HIPK2: variants seen among roughly 807,000 people sequenced by gnomAD.
HIPK2 encodes homeodomain-interacting protein kinase 2.
In HIPK2, 27 loss-of-function variants were observed where a neutral mutation model predicts 113.7. That is an observed-to-expected ratio of 0.24 (90% CI 0.17 to 0.33). The LOEUF (loss-of-function observed/expected upper bound fraction) is 0.33, where lower values mean the gene tolerates loss of function less well. Ranked by LOEUF, HIPK2 falls within the 10% of genes least tolerant of loss-of-function variation. The probability of loss-of-function intolerance (pLI) is 1.00; values close to 1 mark genes in which losing one functional copy is unlikely to be tolerated. For missense variants in HIPK2, 1,257 were observed against 1,588.0 expected, an observed-to-expected ratio of 0.79 and a Z score of 3.54; for synonymous variants, 631 against 642.2, an observed-to-expected ratio of 0.98 and a Z score of 0.26.
At chr7:139,680,251 C>T (rs1029773651) in intron 2 of HIPK2, among the ~76,000 whole-genome samples, 4 of 152,204 alleles carry the variant, frequency 2.6e-5, no homozygotes, top group Non-Finnish European at 2.9e-5. Flanking sequence ...TCCTGTCCCC[C>T]GACTGCAGGA....
intron 1 of HIPK2, among the ~76,000 whole-genome samples, chr7:139,746,833 A>G (rs566243075): frequency 1.2e-4 from 19 of 152,116 alleles, no homozygotes; most frequent in African/African-American, 4.6e-4. Flanking sequence ...GGCCAAGGTG[A>G]CGTGGGCCAG....
chr7:139,665,327 C>T (rs1347990311), intron 2 of HIPK2, among the ~76,000 whole-genome samples: 1 of 152,228 alleles, frequency 6.6e-6, no homozygotes, highest in Non-Finnish European at 1.5e-5. Context: ...GTGTGACCCG[C>T]TGTGCCCAGA....
intron 2 of HIPK2, among the ~76,000 whole-genome samples, chr7:139,665,642 A>G (rs751062127): frequency 1.1e-4 from 17 of 151,996 alleles, no homozygotes; most frequent in Non-Finnish European, 2.2e-4. Flanking sequence ...TTATTCTACT[A>G]CTCACTAACC....
intron 2 of HIPK2, among the ~76,000 whole-genome samples, chr7:139,652,015 C>T (rs765696639): frequency 1.3e-5 from 2 of 152,130 alleles, no homozygotes; most frequent in African/African-American, 2.4e-5. Context: ...GAATATCTGC[C>T]GGATTCTTCC....
At chr7:139,648,813 G>A (rs899572528) in intron 2 of HIPK2, among the ~76,000 whole-genome samples, 7 of 151,654 alleles carry the variant, frequency 4.6e-5, no homozygotes, top group Non-Finnish European at 8.8e-5. Flanking sequence ...TTCCCCGTAT[G>A]TATTGTGTTC....
chr7:139,594,810 A>AC, intron 12 of HIPK2, among the ~76,000 whole-genome samples: 1 of 152,160 alleles, frequency 6.6e-6, no homozygotes, highest in Non-Finnish European at 1.5e-5. Flanking sequence ...TGTGGGACTC[A>AC]GTAGCCACTG....
Position 139,631,802 on chromosome 7 carries a change from A to T in HIPK2, c.1104-77T>A. On this transcript the variant is annotated intron_variant, in intron 2 of 14. Transcript: ENST00000406875. This position sits in a 1 kb window ranked among gnomAD's most constrained non-coding sequence, Gnocchi z 4.9. ...TGTTTCTATATGAATACTATCTTTCAAACCTGGGGTGCCATTACTGACTCC... is the reference window on the plus strand; with the variant it reads ...TGTTTCTATATGAATACTATCTTTCTAACCTGGGGTGCCATTACTGACTCC... 6.7e-7 allele frequency: 1 copy of T among 1,494,948 alleles called. No individual in the cohort carries two copies. Among genetic ancestry groups the T allele is most frequent in the East Asian group, 2.5e-5 (1 of 40,550 alleles). 92.6% of individuals were successfully genotyped at this position (1,494,948 alleles called of 1,614,324 possible).
chr7:139,709,176 T>C (rs1336660473), intron 2 of HIPK2, among the ~76,000 whole-genome samples: 2 of 152,190 alleles, frequency 1.3e-5, no homozygotes, highest in African/African-American at 4.8e-5. Flanking sequence ...CATGTACGTA[T>C]TTATAACAGT....
chr7:139,594,813 A>G (rs562235053), intron 12 of HIPK2, among the ~76,000 whole-genome samples: 2 of 152,282 alleles, frequency 1.3e-5, no homozygotes, highest in East Asian at 3.9e-4. Flanking sequence ...GGGACTCAGT[A>G]GCCACTGCTA....
intron 1 of HIPK2, among the ~76,000 whole-genome samples, chr7:139,776,728 C>T (rs1435395340): frequency 6.6e-6 from 1 of 152,190 alleles, no homozygotes; most frequent in African/African-American, 2.4e-5. Flanking sequence ...TAAAATTTCT[C>T]CTACTACAAG....
At chr7:139,742,601 T>A (rs1360776978) in intron 1 of HIPK2, among the ~76,000 whole-genome samples, 3 of 152,186 alleles carry the variant, frequency 2.0e-5, no homozygotes. Flanking sequence ...ATCTTTTAGC[T>A]CTAACAATGG....
intron 1 of HIPK2, among the ~76,000 whole-genome samples, chr7:139,721,123 TG>T (rs1385619598): frequency 6.6e-6 from 1 of 152,206 alleles, no homozygotes; most frequent in Non-Finnish European, 1.5e-5. Flanking sequence ...TGCCCCTTTA[TG>T]AAGTCAACAG....
chr7:139,746,650 T>A (rs927446303), intron 1 of HIPK2, among the ~76,000 whole-genome samples: 5 of 152,160 alleles, frequency 3.3e-5, no homozygotes, highest in Non-Finnish European at 5.9e-5. Context: ...TGCTGGAGGT[T>A]GACAACAGGT....
intron 2 of HIPK2, among the ~76,000 whole-genome samples, chr7:139,689,219 T>C (rs1039189544): frequency 5.9e-5 from 9 of 152,116 alleles, no homozygotes; most frequent in African/African-American, 2.2e-4. Context: ...AAAACTGCTA[T>C]CGGGAAAACT....
In HIPK2 at chr7:139,572,131, A is replaced by AAAGTTTGC. The variant is rs1798303068; in HGVS notation, c.*788_*795dup. 5 of 152,388 alleles carry AAAGTTTGC rather than the reference A, an allele frequency of 3.3e-5. No homozygotes were observed. The South Asian group carries it at 8.3e-4, about 25-fold the overall frequency. 9.4% of individuals were successfully genotyped at this position (152,388 alleles called of 1,614,324 possible). A position where few individuals can be genotyped will look rare whatever the true frequency, so the allele number is the denominator to read the frequency against. On this transcript the variant is annotated 3_prime_UTR_variant, in exon 15 of 15. Coordinates refer to ENST00000406875, the MANE Select transcript of HIPK2 (RefSeq NM_022740.5). ...ACATTTTCAGAAAAGAAAAAAACCT[A>AAAGTTTGC]AAGTTTGCAACACACATTATTAATG...
rs149561998 is a variant in HIPK2 at position 139,652,849 on chromosome 7, G to A, written c.1104-21124C>T. Among the ~76,000 whole-genome samples, 160 of 152,198 alleles carry A rather than the reference G, an allele frequency of 1.1e-3. 1 individual carries two copies. The East Asian group carries it at 0.015, about 15-fold the overall frequency. Reference sequence around the variant, plus strand: ...AGGTACAGAGGCAGGAAAACACAAAGAAGACTGTTCAGGGCCGGCACGGTG... The same window carrying A: ...AGGTACAGAGGCAGGAAAACACAAAAAAGACTGTTCAGGGCCGGCACGGTG... On this transcript the variant is annotated intron_variant, in intron 2 of 14. Transcript: ENST00000406875.
In HIPK2 at chr7:139,613,427, TG is replaced by T; in HGVS notation, c.1991-105del. The T allele has an allele frequency of 1.5e-6, 2 of 1,378,818 alleles. No homozygotes were observed. The highest frequency in any genetic ancestry group is 2.0e-6 in the Non-Finnish European group (2 of 1,008,748). 85.4% of individuals were successfully genotyped at this position (1,378,818 alleles called of 1,614,324 possible). ...GTTATGTCAACTTTCTGCTTCCCTT[TG>T]CACTGGTCACTGACAACAACCAGGT... On this transcript the variant is annotated intron_variant, in intron 8 of 14. Transcript: ENST00000406875. This position sits in a 1 kb window ranked among gnomAD's most constrained non-coding sequence, Gnocchi z 4.2.
In HIPK2 at chr7:139,564,114, C is replaced by T. The variant is rs973823361; in HGVS notation, c.*8813G>A. 2.5e-6 allele frequency: 1 copy of T among 397,100 alleles called. No individual in the cohort carries two copies. The highest frequency in any genetic ancestry group is 2.1e-5 in the African/African-American group (1 of 48,580). The allele number at this position is 397,100 out of a possible 1,614,324, so 24.6% of individuals were successfully genotyped here. A position where few individuals can be genotyped will look rare whatever the true frequency, so the allele number is the denominator to read the frequency against. The stretch of plus-strand genomic sequence containing the variant: ...CCATCTCTGAGAGGATGCTAAGGTC[C>T]CCCTCCCACCGAACTAGACTTTGAG... On this transcript the variant is annotated 3_prime_UTR_variant, in exon 15 of 15. Coordinates refer to ENST00000406875, the MANE Select transcript of HIPK2 (RefSeq NM_022740.5).
intron 1 of HIPK2, among the ~76,000 whole-genome samples, chr7:139,763,250 T>C (rs934546550): frequency 3.3e-5 from 5 of 152,138 alleles, no homozygotes; most frequent in Non-Finnish European, 5.9e-5. Flanking sequence ...GGAAAGCAGT[T>C]GGACATCTGA....
Sources: gnomAD v4.1 joint callset for allele counts (sites outside exome capture counted in the v4.1 genomes callset) on GRCh38, gnomAD v4.1.1 for gene constraint, Gnocchi (gnomAD v3.1) non-coding constraint, MANE v1.5 for transcripts, NCBI Gene and HGNC (gene_info 2026-07-23, HGNC 2026-07-21) for gene names.